Variants in NPHP4 observed in about 807,000 individuals in gnomAD.
NPHP4 encodes nephrocystin-4.
A neutral mutation model predicts 155.8 loss-of-function variants in NPHP4; 151 were observed. The observed-to-expected ratio is 0.97, with a 90% CI of 0.85 to 1.11. The LOEUF is 1.11. Ranked by LOEUF, NPHP4 falls within the 50% of genes least tolerant of loss-of-function variation. NPHP4 has a pLI of 0.00. For synonymous variants in NPHP4, 845 were observed against 816.8 expected (o/e 1.03, Z -0.59); for missense variants, 1,956 against 1,925.7 (o/e 1.02, Z -0.29).
chr1:5,891,542 C>T (rs1644128063), intron 16 of NPHP4, among the ~76,000 whole-genome samples: 1 of 152,206 alleles, frequency 6.6e-6, no homozygotes, highest in South Asian at 2.1e-4. Flanking sequence ...TGCGGTCTGC[C>T]CTGGTCATCA....
In NPHP4 at chr1:5,909,200, T is replaced by G. The variant is rs369748651; in HGVS notation, c.1455A>C (p.Pro485=). 3 of 1,603,412 alleles carry G rather than the reference T, an allele frequency of 1.9e-6. No homozygotes were observed. Residue 485 remains proline, a synonymous_variant, in exon 12 of 30, where the codon CCA becomes CCC. Coordinates refer to ENST00000378156, the MANE Select transcript of NPHP4 (RefSeq NM_015102.5). The stretch of plus-strand genomic sequence containing the variant: ...GCGGGGCAGCGAGAACTCGAGGTAC[T>G]GGCGCTGGCGGGCCTGGGAGGAAGC... ...PPTSPSSPPA[P]VPRVLAAPQN... is the part of the protein sequence containing the mutation.
chr1:5,969,399 A>G (rs955121475), intron 3 of NPHP4, 140 bp from the exon 4 acceptor site: 3 of 472,866 alleles, frequency 6.3e-6, no homozygotes, highest in African/African-American at 5.8e-5. Context: ...CATGTGGTGT[A>G]CCACATCTCT....
At chr1:5,884,014 T>C (rs1357459673) in intron 18 of NPHP4, among the ~76,000 whole-genome samples, 1 of 152,154 alleles carries the variant, frequency 6.6e-6, no homozygotes. Flanking sequence ...TATTTCTACT[T>C]AGGGCACATG....
intron 16 of NPHP4, among the ~76,000 whole-genome samples, chr1:5,895,988 C>T (rs1259768118): frequency 2.0e-5 from 3 of 152,074 alleles, no homozygotes; most frequent in Non-Finnish European, 4.4e-5. Context: ...GCGACGTCTG[C>T]GCAGCCAAAC....
intron 5 of NPHP4, among the ~76,000 whole-genome samples, chr1:5,964,935 A>ATTTTTTTTTTTTT (rs1476774217): frequency 9.4e-4 from 30 of 31,952 alleles, no homozygotes; most frequent in African/African-American, 1.2e-3. Context: ...ATATATATAT[A>ATTTTTTTTTTTTT]TATATATTTT....
chr1:5,948,278 C>G (rs2101941175), intron 7 of NPHP4, 27 bp from the exon 8 acceptor site: 1 of 1,510,284 alleles, frequency 6.6e-7, no homozygotes, highest in Non-Finnish European at 8.9e-7. Flanking sequence ...AGGAATGAGC[C>G]CCGGCACAGA....
intron 9 of NPHP4, among the ~76,000 whole-genome samples, chr1:5,937,574 AC>A (rs944222868): frequency 6.6e-6 from 1 of 152,004 alleles, no homozygotes; most frequent in African/African-American, 2.4e-5. Flanking sequence ...AGCCCCAGGA[AC>A]TGGGAATGCA....
intron 18 of NPHP4, chr1:5,880,609 G>A (rs939158232): frequency 6.9e-6 from 2 of 288,466 alleles, no homozygotes; most frequent in African/African-American, 2.2e-5. Context: ...CATTGATCAA[G>A]GATAGGCCTG....
At chr1:5,913,679 A>G (rs1050416604) in intron 11 of NPHP4, among the ~76,000 whole-genome samples, 2 of 152,198 alleles carry the variant, frequency 1.3e-5, no homozygotes, top group African/African-American at 2.4e-5. Context: ...CTGCAAGAGG[A>G]TGCAACCCAC....
In NPHP4 at chr1:5,951,596, G is replaced by A. The variant is rs1300756883; in HGVS notation, c.810+1104C>T. Among the ~76,000 whole-genome samples, 8 of 152,282 alleles carry A rather than the reference G, an allele frequency of 5.3e-5. No individual in the cohort carries two copies. In the South Asian group the frequency reaches 6.2e-4, roughly 12 times the overall value. On this transcript the variant is annotated intron_variant, in intron 7 of 29. Transcript: ENST00000378156. ...GCTCCAGCAGAACCAGGCAATCTCC[G>A]TCCCACATGCCTGTTCCCCCTGCTG...
chr1:5,887,851 C>T (rs975620653), intron 17 of NPHP4, among the ~76,000 whole-genome samples: 1 of 152,180 alleles, frequency 6.6e-6, no homozygotes, highest in South Asian at 2.1e-4. Context: ...CTTAGCCAAG[C>T]GTGTCTGGGA....
chr1:5,864,590 C>T (rs1641005348), intron 27 of NPHP4, 73 bp from the exon 28 acceptor site: 2 of 1,348,254 alleles, frequency 1.5e-6, no homozygotes, highest in South Asian at 1.6e-5. Context: ...TGGGCGCCTG[C>T]AGCCCAATCA....
chr1:5,917,352 T>A (rs1163545446), intron 11 of NPHP4, among the ~76,000 whole-genome samples: 1 of 151,770 alleles, frequency 6.6e-6, no homozygotes, highest in Non-Finnish European at 1.5e-5. Flanking sequence ...GGGCTCACCA[T>A]GTGGAGAAAC....
At chr1:5,977,787 T>C (rs1653907704) in intron 3 of NPHP4, among the ~76,000 whole-genome samples, 1 of 131,422 alleles carries the variant, frequency 7.6e-6, no homozygotes, top group South Asian at 2.6e-4. Flanking sequence ...CAGGCTCTGA[T>C]ACCTGCTACC....
At chr1:5,925,407 C>G (rs1450159494) in intron 11 of NPHP4, among the ~76,000 whole-genome samples, 1 of 152,042 alleles carries the variant, frequency 6.6e-6, no homozygotes, top group Non-Finnish European at 1.5e-5. Context: ...GGAACCAGTC[C>G]CCCACGGATA....
intron 6 of NPHP4, among the ~76,000 whole-genome samples, chr1:5,957,736 T>C (rs1208763074): frequency 6.6e-6 from 1 of 151,912 alleles, no homozygotes; most frequent in African/African-American, 2.4e-5. Flanking sequence ...AGTGGGATAT[T>C]TAATTCACCA....
intron 6 of NPHP4, among the ~76,000 whole-genome samples, chr1:5,959,036 G>C (rs1041203441): frequency 1.4e-5 from 2 of 140,304 alleles, no homozygotes; most frequent in Middle Eastern, 7.2e-3. Context: ...CTGAGAGTGG[G>C]GGCGGGGGGC....
chr1:5,869,203 C>T (rs1641719591), intron 23 of NPHP4, among the ~76,000 whole-genome samples: 1 of 139,632 alleles, frequency 7.2e-6, no homozygotes, highest in Admixed American at 7.2e-5. Context: ...GCACACATAT[C>T]CACCCACATG....
rs1407265133 is a variant in NPHP4 at position 5,873,316 on chromosome 1, T to C, written c.3251A>G (p.Asn1084Ser). Residue 1084 changes from asparagine to serine, a missense_variant, in exon 23 of 30, where the codon AAC (asparagine) becomes AGC (serine). Physicochemically the swap from Asn to Ser is conservative, Grantham distance 46 (BLOSUM62 1). Coordinates refer to ENST00000378156, the MANE Select transcript of NPHP4 (RefSeq NM_015102.5). ...TGACACGGCGTCCATGCCCTTCTCG[T>C]TGCTCAACCCAGGAGAGGCCTGCAG... ...AMVQASPGLS[N>S]EKGMDAVSPW... The C allele has an allele frequency of 6.2e-6, 10 of 1,613,936 alleles. No homozygotes were observed. Among genetic ancestry groups the C allele is most frequent in the South Asian group, 1.1e-5 (1 of 91,080 alleles).
Sources: gnomAD v4.1 joint callset for allele counts (sites outside exome capture counted in the v4.1 genomes callset) on GRCh38, gnomAD v4.1.1 for gene constraint, MANE v1.5 for transcripts, NCBI Gene and HGNC (gene_info 2026-07-23, HGNC 2026-07-21) for gene names.